Variants in ANKS1B observed in about 807,000 individuals in gnomAD.
ANKS1B encodes ankyrin repeat and sterile alpha motif domain containing 1B, also known as ankyrin repeat and sterile alpha motif domain-containing protein 1B.
ANKS1B carries 36 observed loss-of-function variants against 148.3 expected under a neutral mutation model. That is an observed-to-expected ratio of 0.24 (90% CI 0.19 to 0.32). The LOEUF (loss-of-function observed/expected upper bound fraction) is 0.32, where lower values mean the gene tolerates loss of function less well. Among genes scored for constraint, ANKS1B ranks in the 10% least tolerant of loss-of-function variants. The probability of loss-of-function intolerance (pLI) is 1.00; values close to 1 mark genes in which losing one functional copy is unlikely to be tolerated. For synonymous variants in ANKS1B, 542 were observed against 560.8 expected, an observed-to-expected ratio of 0.97 and a Z score of 0.47; for missense variants, 1,157 against 1,542.6, an observed-to-expected ratio of 0.75 and a Z score of 4.19.
chr12:99,184,107 C>T (rs2153865714), intron 14 of ANKS1B, among the ~76,000 whole-genome samples: 1 of 152,246 alleles, frequency 6.6e-6, no homozygotes, highest in African/African-American at 2.4e-5. Context: ...ATTAAACAAG[C>T]ACTCAGTTTT....
chr12:98,900,063 G>A (rs1451964222), intron 17 of ANKS1B, among the ~76,000 whole-genome samples: 1 of 152,160 alleles, frequency 6.6e-6, no homozygotes, highest in Non-Finnish European at 1.5e-5. Flanking sequence ...TCAGTATGAG[G>A]CCAGTTTCCT....
intron 17 of ANKS1B, among the ~76,000 whole-genome samples, chr12:99,027,818 T>A (rs2099949662): frequency 6.6e-6 from 1 of 152,226 alleles, no homozygotes; most frequent in African/African-American, 2.4e-5. Context: ...CATCCTGCCA[T>A]CCTGAAAATG....
intron 9 of ANKS1B, among the ~76,000 whole-genome samples, chr12:99,573,809 T>C (rs2097487494): frequency 6.6e-6 from 1 of 152,050 alleles, no homozygotes; most frequent in South Asian, 2.1e-4. Context: ...TCCTTGGCAA[T>C]AAATGAACTG....
At chr12:99,076,696 A>G (rs1272016207) in intron 16 of ANKS1B, among the ~76,000 whole-genome samples, 6 of 152,200 alleles carry the variant, frequency 3.9e-5, no homozygotes, top group East Asian at 1.9e-4. Context: ...AAAGTAGGCT[A>G]TATTTCTGAT....
intron 22 of ANKS1B, chr12:98,795,065 C>T (rs1798262483): frequency 1.6e-6 from 1 of 619,280 alleles, no homozygotes; most frequent in Non-Finnish European, 2.9e-6. Context: ...CATAAGGCCA[C>T]TTAAATGAAA....
chr12:99,605,096 C>G lies in ANKS1B; in HGVS notation c.1272+49971G>C, dbSNP rs1248504299. 2.0e-5 allele frequency among the ~76,000 whole-genome samples: 3 copies of G among 151,892 alleles called. No homozygotes were observed. The East Asian group carries it at 5.8e-4, about 29-fold the overall frequency. On this transcript the variant is annotated intron_variant, in intron 9 of 26. Transcript: ENST00000683438. ...CAGGGAAGACCAAATTGTACTTTTG[C>G]TTCAGTGTACTCTTAACACTAAAGG...
intron 8 of ANKS1B, among the ~76,000 whole-genome samples, chr12:99,701,942 G>T (rs2054899631): frequency 6.6e-6 from 1 of 152,116 alleles, no homozygotes; most frequent in Non-Finnish European, 1.5e-5. Flanking sequence ...TTCATCTGTT[G>T]ATGGACACTT....
intron 10 of ANKS1B, among the ~76,000 whole-genome samples, chr12:99,484,472 T>C (rs1040134106): frequency 3.9e-5 from 6 of 152,048 alleles, no homozygotes; most frequent in African/African-American, 1.4e-4. Context: ...TCTATTGTTC[T>C]AGGGTAAAAT....
At chr12:99,737,338 T>C (rs774958247) in intron 8 of ANKS1B, among the ~76,000 whole-genome samples, 6 of 152,160 alleles carry the variant, frequency 3.9e-5, no homozygotes, top group Non-Finnish European at 8.8e-5. Flanking sequence ...ATATACACAG[T>C]GAAATACTTG....
chr12:99,788,537 C>T (rs1006529115), intron 4 of ANKS1B, among the ~76,000 whole-genome samples: 1 of 152,186 alleles, frequency 6.6e-6, no homozygotes, highest in Non-Finnish European at 1.5e-5. Flanking sequence ...AGCACAGTCC[C>T]AGCTGTGGTG....
intron 1 of ANKS1B, among the ~76,000 whole-genome samples, chr12:99,919,762 G>A (rs2094292526): frequency 2.3e-5 from 3 of 131,218 alleles, no homozygotes. Flanking sequence ...AGCCCAAATT[G>A]AAATGTGCTG....
rs2098893869 is a variant in ANKS1B at position 98,792,766 on chromosome 12, T to C, written c.3342+6168A>G. Among the ~76,000 whole-genome samples, 5 of 152,248 alleles carry C rather than the reference T, an allele frequency of 3.3e-5. No homozygotes were observed. In the South Asian group the frequency reaches 1.0e-3, roughly 32 times the overall value. ...ATGTCTTCCAGGCTCATCTATGTTG[T>C]CACAAATAACAGAATTTCATTCTTT... On this transcript the variant is annotated intron_variant, in intron 22 of 26. Transcript: ENST00000683438.
At chr12:99,425,716 T>C (rs1376122939) in intron 11 of ANKS1B, among the ~76,000 whole-genome samples, 1 of 151,956 alleles carries the variant, frequency 6.6e-6, no homozygotes, top group African/African-American at 2.4e-5. Flanking sequence ...ATTATTCTTT[T>C]TCTTTCTTAA....
intron 14 of ANKS1B, among the ~76,000 whole-genome samples, chr12:99,237,756 GA>G (rs2088289962): frequency 6.6e-6 from 1 of 152,156 alleles, no homozygotes. Context: ...ACATAAAATA[GA>G]AACTTCGTGT....
intron 1 of ANKS1B, among the ~76,000 whole-genome samples, chr12:99,826,868 T>A (rs1164724088): frequency 3.3e-5 from 5 of 152,156 alleles, no homozygotes; most frequent in African/African-American, 1.2e-4. Context: ...CCCAGCACTT[T>A]GGGAGGCTGA....
chr12:99,479,831 T>C (rs2096382222), intron 10 of ANKS1B, among the ~76,000 whole-genome samples: 2 of 151,890 alleles, frequency 1.3e-5, no homozygotes, highest in Admixed American at 1.3e-4. Flanking sequence ...CACAGTATGG[T>C]GACTATAGTT....
chr12:98,958,944 T>C (rs563508804), intron 17 of ANKS1B, among the ~76,000 whole-genome samples: 24 of 152,346 alleles, frequency 1.6e-4, no homozygotes, highest in African/African-American at 5.8e-4. Context: ...TATTAGGTGA[T>C]GATTATAAGT....
chr12:99,297,590 A>G (rs960817319), intron 12 of ANKS1B, among the ~76,000 whole-genome samples: 3 of 152,212 alleles, frequency 2.0e-5, no homozygotes, highest in African/African-American at 7.2e-5. Flanking sequence ...TACAATTTCA[A>G]TTGCTTGAAG....
At chr12:99,313,831 G>A (rs1012351743) in intron 12 of ANKS1B, among the ~76,000 whole-genome samples, 11 of 152,136 alleles carry the variant, frequency 7.2e-5, no homozygotes, top group African/African-American at 2.4e-4. Context: ...GGCAAAAGCT[G>A]GAAGCATTCC....
Sources: allele counts gnomAD v4.1 joint callset (sites outside exome capture counted in the v4.1 genomes callset), GRCh38; gene constraint gnomAD v4.1.1; transcripts MANE v1.5; gene names NCBI Gene and HGNC (gene_info 2026-07-23, HGNC 2026-07-21).